The following SUCLG2 variants were observed in gnomAD, a reference collection of about 807,000 sequenced individuals.
The protein encoded by SUCLG2 is succinate-CoA ligase GDP-forming subunit beta, also known as succinate--CoA ligase [GDP-forming] subunit beta, mitochondrial.
SUCLG2 carries 42 observed loss-of-function variants against 47.9 expected under a neutral mutation model. That is an observed-to-expected ratio of 0.88 (90% CI 0.69 to 1.14). The LOEUF (loss-of-function observed/expected upper bound fraction) is 1.14, where lower values mean the gene tolerates loss of function less well. Among genes scored for constraint, SUCLG2 ranks in the 50% most tolerant of loss-of-function variants. The pLI is 0.00. For missense variants in SUCLG2, 571 were observed against 525.9 expected (o/e 1.09, Z -0.84); for synonymous variants, 195 against 197.3 (o/e 0.99, Z 0.10).
intron 9 of SUCLG2, among the ~76,000 whole-genome samples, chr3:67,474,192 G>A (rs1704684526): frequency 6.6e-6 from 1 of 151,896 alleles, no homozygotes; most frequent in Admixed American, 6.6e-5. Context: ...CCTGGGAGGT[G>A]GAGCTTGCAG....
chr3:67,505,573 G>A (rs192763110), intron 7 of SUCLG2, among the ~76,000 whole-genome samples: 53 of 152,094 alleles, frequency 3.5e-4, no homozygotes, highest in African/African-American at 1.2e-3. Flanking sequence ...CACTCAACAC[G>A]GCATCACTTG....
chr3:67,557,285 G>T (rs58735333), intron 2 of SUCLG2, among the ~76,000 whole-genome samples: 1 of 152,072 alleles, frequency 6.6e-6, no homozygotes. Flanking sequence ...ATGGCTCTTA[G>T]CATCAATTTG....
chr3:67,376,760 C>T (rs558280877), intron 10 of SUCLG2, among the ~76,000 whole-genome samples: 2 of 152,184 alleles, frequency 1.3e-5, no homozygotes, highest in African/African-American at 2.4e-5. Flanking sequence ...GCACTGATTC[C>T]CCTGGGACCC....
intron 9 of SUCLG2, among the ~76,000 whole-genome samples, chr3:67,423,310 C>T (rs1303460512): frequency 2.6e-5 from 4 of 152,120 alleles, no homozygotes; most frequent in Non-Finnish European, 5.9e-5. Flanking sequence ...CCTAAGGACT[C>T]CCTGGCCATG....
intron 9 of SUCLG2, among the ~76,000 whole-genome samples, chr3:67,427,683 G>C (rs987577387): frequency 1.3e-5 from 2 of 152,208 alleles, no homozygotes; most frequent in Non-Finnish European, 2.9e-5. Context: ...CACCTGAGAA[G>C]CACAAAGGGT....
intron 4 of SUCLG2, among the ~76,000 whole-genome samples, chr3:67,521,701 C>T (rs1250691027): frequency 2.6e-5 from 4 of 151,940 alleles, no homozygotes; most frequent in Admixed American, 1.3e-4. Context: ...CTCCCTGCAA[C>T]CTCTGCCTCC....
intron 1 of SUCLG2, among the ~76,000 whole-genome samples, chr3:67,643,379 T>C (rs1232370766): frequency 1.3e-5 from 2 of 152,160 alleles, no homozygotes; most frequent in African/African-American, 4.8e-5. Context: ...ATTAGCGGTG[T>C]TTTTGGTCTT....
chr3:67,462,133 T>C (rs964491831), intron 9 of SUCLG2, among the ~76,000 whole-genome samples: 6 of 152,068 alleles, frequency 3.9e-5, no homozygotes, highest in African/African-American at 1.4e-4. Flanking sequence ...TTGGGGCACT[T>C]TAGGTCTCAG....
At chr3:67,559,171 C>T (rs78840914) in intron 2 of SUCLG2, among the ~76,000 whole-genome samples, 4,281 of 152,186 alleles carry the variant, frequency 0.028, 105 homozygotes, top group Non-Finnish European at 0.047. Flanking sequence ...AGCTAACATA[C>T]GTGCACAAGG....
intron 2 of SUCLG2, among the ~76,000 whole-genome samples, chr3:67,607,341 A>G (rs1409362637): frequency 6.6e-6 from 1 of 152,228 alleles, no homozygotes; most frequent in Non-Finnish European, 1.5e-5. Context: ...TATCCTGTTG[A>G]TAACTTTTTA....
intron 4 of SUCLG2, among the ~76,000 whole-genome samples, chr3:67,522,554 C>G: frequency 6.6e-6 from 1 of 151,480 alleles, no homozygotes; most frequent in East Asian, 1.9e-4. Flanking sequence ...ACGCACCTAA[C>G]AAGAACAGTG....
rs1420718233 is a variant in SUCLG2, at chr3:67,443,338, C to T, written c.1063-42487G>A. Reference sequence around the variant, plus strand: ...GCAGCGGAGCTGTCTCAGTCTTTGCCGCCGCGCCGGCGAGCGCCCCTCGGG... The same window carrying T: ...GCAGCGGAGCTGTCTCAGTCTTTGCTGCCGCGCCGGCGAGCGCCCCTCGGG... On this transcript the variant is annotated intron_variant, in intron 9 of 10. Coordinates refer to ENST00000307227, the MANE Select transcript of SUCLG2 (RefSeq NM_003848.4). Among the ~76,000 whole-genome samples the T allele has an allele frequency of 4.5e-4, 11 of 24,220 alleles. 4 individuals are homozygous for T. The highest frequency in any genetic ancestry group is 1.1e-3 in the Non-Finnish European group (10 of 8,784). 15.9% of individuals were successfully genotyped at this position (24,220 alleles called of 152,430 possible).
At chr3:67,568,607 G>A (rs1707528747) in intron 2 of SUCLG2, among the ~76,000 whole-genome samples, 1 of 152,184 alleles carries the variant, frequency 6.6e-6, no homozygotes, top group Non-Finnish European at 1.5e-5. Context: ...TAAAGAGTGA[G>A]CCGGGCGCGG....
chr3:67,395,763 A>C (rs1306939606), intron 10 of SUCLG2, among the ~76,000 whole-genome samples: 1 of 152,180 alleles, frequency 6.6e-6, no homozygotes, highest in Admixed American at 6.5e-5. Context: ...TTGAACACAT[A>C]GTTGGAAGTA....
chr3:67,370,791 T>C (rs547341505), downstream of SUCLG2, among the ~76,000 whole-genome samples: 118 of 152,352 alleles, frequency 7.7e-4, no homozygotes, highest in African/African-American at 2.8e-3. Flanking sequence ...TGACTGTAGC[T>C]GACCACAGGT....
chr3:67,626,989 C>CAACTAG, intron 1 of SUCLG2, among the ~76,000 whole-genome samples: 1 of 144,144 alleles, frequency 6.9e-6, no homozygotes, highest in East Asian at 2.1e-4. Context: ...AAAAAATTTT[C>CAACTAG]AACTAGAAGT....
At chr3:67,388,529 C>T (rs1280732942) in intron 10 of SUCLG2, among the ~76,000 whole-genome samples, 1 of 152,148 alleles carries the variant, frequency 6.6e-6, no homozygotes, top group Non-Finnish European at 1.5e-5. Flanking sequence ...TTGTATTGAC[C>T]ATGCCTAATA....
At chr3:67,617,589 G>C (rs1484385620) in intron 1 of SUCLG2, among the ~76,000 whole-genome samples, 1 of 152,112 alleles carries the variant, frequency 6.6e-6, no homozygotes, top group East Asian at 1.9e-4. Context: ...GGTTCTCCCT[G>C]TTTTGCACAC....
chr3:67,546,524 C>T (rs1706865797), intron 2 of SUCLG2, among the ~76,000 whole-genome samples: 1 of 152,092 alleles, frequency 6.6e-6, no homozygotes, highest in African/African-American at 2.4e-5. Flanking sequence ...CACTTGAGGC[C>T]AGGAGTTCGA....
Sources: gnomAD v4.1 joint callset for allele counts (sites outside exome capture counted in the v4.1 genomes callset) on GRCh38, gnomAD v4.1.1 for gene constraint, MANE v1.5 for transcripts, NCBI Gene and HGNC (gene_info 2026-07-23, HGNC 2026-07-21) for gene names.